RALGPS2: variants seen among roughly 807,000 people sequenced by gnomAD.
RALGPS2 encodes the protein ras-specific guanine nucleotide-releasing factor RalGPS2.
A neutral mutation model predicts 86.8 loss-of-function variants in RALGPS2; 43 were observed. That is an observed-to-expected ratio of 0.50 (90% CI 0.39 to 0.64). RALGPS2 has a LOEUF of 0.64. Among genes scored for constraint, RALGPS2 ranks in the 30% least tolerant of loss-of-function variants. The pLI is 0.00. For synonymous variants in RALGPS2, 243 were observed against 231.3 expected, an observed-to-expected ratio of 1.05 and a Z score of -0.46; for missense variants, 536 against 694.6, an observed-to-expected ratio of 0.77 and a Z score of 2.57.
chr1:178,836,590 T>C (rs1450513707), intron 8 of RALGPS2, among the ~76,000 whole-genome samples: 1 of 152,202 alleles, frequency 6.6e-6, no homozygotes, highest in Non-Finnish European at 1.5e-5. Context: ...TAGATGTTTC[T>C]CAAGCCCCAT....
intron 8 of RALGPS2, among the ~76,000 whole-genome samples, chr1:178,847,655 A>C (rs961795733): frequency 3.1e-4 from 47 of 152,344 alleles, no homozygotes; most frequent in South Asian, 8.3e-4. Context: ...AAACCATATT[A>C]CTTTAGTACA....
chr1:178,782,661 C>G (rs1572327116), intron 2 of RALGPS2, among the ~76,000 whole-genome samples: 1 of 151,902 alleles, frequency 6.6e-6, no homozygotes, highest in Non-Finnish European at 1.5e-5. Flanking sequence ...CTCAAATACA[C>G]ACACACACCC....
At chr1:178,739,709 C>G (rs576697163) in intron 1 of RALGPS2, among the ~76,000 whole-genome samples, 1 of 152,178 alleles carries the variant, frequency 6.6e-6, no homozygotes, top group Non-Finnish European at 1.5e-5. Context: ...CACTCTGTTT[C>G]CTTTCTTCAA....
At chr1:178,794,999 GA>G (rs1375957178) in intron 4 of RALGPS2, among the ~76,000 whole-genome samples, 2 of 152,044 alleles carry the variant, frequency 1.3e-5, no homozygotes, top group Non-Finnish European at 2.9e-5. Flanking sequence ...GGCCAACATG[GA>G]AAAACCCCAT....
chr1:178,880,172 G>T (rs1194841967), intron 10 of RALGPS2, among the ~76,000 whole-genome samples: 1 of 152,090 alleles, frequency 6.6e-6, no homozygotes, highest in Non-Finnish European at 1.5e-5. Flanking sequence ...TTATTTTTCA[G>T]TGTTAATGCA....
At chr1:178,746,670 C>G in intron 1 of RALGPS2, 2 of 771,546 alleles carry the variant, frequency 2.6e-6, no homozygotes, top group Non-Finnish European at 4.8e-6. Flanking sequence ...AGAATATTCT[C>G]AAGTCATGAA....
intron 6 of RALGPS2, among the ~76,000 whole-genome samples, chr1:178,817,109 T>G (rs914038564): frequency 6.6e-6 from 1 of 151,690 alleles, no homozygotes; most frequent in African/African-American, 2.4e-5. Flanking sequence ...CCTATAATCC[T>G]AGCACTTTGG....
chr1:178,887,168 A>G (rs1397722465), intron 13 of RALGPS2, among the ~76,000 whole-genome samples: 1 of 152,216 alleles, frequency 6.6e-6, no homozygotes, highest in Non-Finnish European at 1.5e-5. Context: ...AATTATTCAT[A>G]TAGCCTGGGC....
rs1345617861 is a variant in RALGPS2, at chr1:178,809,330, A to C, written c.297+1202A>C. 3.3e-5 allele frequency among the ~76,000 whole-genome samples: 5 copies of C among 151,584 alleles called. No homozygotes were observed. The East Asian group carries it at 9.7e-4, about 29-fold the overall frequency. On this transcript the variant is annotated intron_variant, in intron 5 of 19. Coordinates refer to ENST00000367635, the MANE Select transcript of RALGPS2 (RefSeq NM_152663.5). ...GAGTAGCATTAGATAGAAATGGAGG[A>C]GCGGAGAGGTGTGAGGCCTTGTATT...
intron 8 of RALGPS2, chr1:178,852,992 A>G: frequency 1.9e-6 from 3 of 1,559,504 alleles, no homozygotes; most frequent in Non-Finnish European, 2.6e-6. Context: ...ATAAATAAGT[A>G]TAGAGATAGT....
In RALGPS2 at chr1:178,746,622, C is replaced by T. The variant is rs1651345919; in HGVS notation, c.-84+21203C>T. On this transcript the variant is annotated intron_variant, in intron 1 of 19. Transcript: ENST00000367635. ...TAAGTTTCCAGAGTGGGCTTCAGGTCTTGATTTGCACATCAATGGTTCCAA... is the reference window on the plus strand; with the variant it reads ...TAAGTTTCCAGAGTGGGCTTCAGGTTTTGATTTGCACATCAATGGTTCCAA... 3 of 748,586 alleles carry T rather than the reference C, an allele frequency of 4.0e-6. No homozygotes were observed. The South Asian group carries it at 4.1e-5, about 10-fold the overall frequency. The allele number at this position is 748,586 out of a possible 1,614,324, so 46.4% of individuals were successfully genotyped here.
At chr1:178,844,439 A>G (rs552564785) in intron 8 of RALGPS2, among the ~76,000 whole-genome samples, 19 of 152,320 alleles carry the variant, frequency 1.2e-4, no homozygotes, top group African/African-American at 4.1e-4. Flanking sequence ...CTGTAGTTCA[A>G]TGTGGATTAA....
intron 7 of RALGPS2, among the ~76,000 whole-genome samples, chr1:178,831,690 C>T (rs924333317): frequency 2.4e-5 from 3 of 123,342 alleles, no homozygotes; most frequent in Non-Finnish European, 4.9e-5. Flanking sequence ...TTAAATATAA[C>T]ATTATAAATA....
intron 7 of RALGPS2, among the ~76,000 whole-genome samples, chr1:178,825,723 A>G (rs1427637025): frequency 3.9e-5 from 6 of 152,232 alleles, no homozygotes; most frequent in Non-Finnish European, 5.9e-5. Context: ...TCATTAAAAT[A>G]AAATAAAATA....
intron 18 of RALGPS2, among the ~76,000 whole-genome samples, chr1:178,906,388 TC>T (rs1166819801): frequency 4.6e-5 from 7 of 150,888 alleles, no homozygotes; most frequent in East Asian, 1.9e-4. Flanking sequence ...AAAAAAAAAA[TC>T]TAATATTTAG....
chr1:178,778,601 T>C (rs1653218317), intron 2 of RALGPS2, among the ~76,000 whole-genome samples: 1 of 108,102 alleles, frequency 9.3e-6, no homozygotes, highest in Non-Finnish European at 1.9e-5. Flanking sequence ...ACACGTATGT[T>C]TATTGCGGCA....
At chr1:178,747,123 T>C (rs1651381404) in intron 1 of RALGPS2, 2 of 936,996 alleles carry the variant, frequency 2.1e-6, no homozygotes, top group Admixed American at 3.6e-5. Flanking sequence ...TTAATGTTAA[T>C]ATCATCTCCT....
intron 8 of RALGPS2, among the ~76,000 whole-genome samples, chr1:178,864,247 A>G (rs934720321): frequency 1.3e-5 from 2 of 152,112 alleles, no homozygotes; most frequent in Admixed American, 6.5e-5. Flanking sequence ...TTAAAAGTAG[A>G]GTTTGGAATC....
At chr1:178,743,465 A>G (rs564114591) in intron 1 of RALGPS2, among the ~76,000 whole-genome samples, 39 of 152,308 alleles carry the variant, frequency 2.6e-4, no homozygotes, top group African/African-American at 9.4e-4. Context: ...AAATGAAAGC[A>G]ATTACAGTAA....
Sources: allele counts gnomAD v4.1 joint callset (sites outside exome capture counted in the v4.1 genomes callset), GRCh38; gene constraint gnomAD v4.1.1; transcripts MANE v1.5; gene names NCBI Gene and HGNC (gene_info 2026-07-23, HGNC 2026-07-21).